Variants in NXN observed in about 807,000 individuals in gnomAD.
The protein encoded by NXN is nucleoredoxin, also known as nucleoredoxin 1.
NXN carries 16 observed loss-of-function variants against 48.6 expected under a neutral mutation model. The ratio of observed to expected loss-of-function variants is 0.33; its 90% CI spans 0.22 to 0.50. NXN has a LOEUF of 0.50. Among genes scored for constraint, NXN ranks in the 20% least tolerant of loss-of-function variants. The pLI is 0.98. For synonymous variants in NXN, 281 were observed against 269.6 expected, an observed-to-expected ratio of 1.04 and a Z score of -0.41; for missense variants, 492 against 605.5, an observed-to-expected ratio of 0.81 and a Z score of 1.97.
intron 1 of NXN, among the ~76,000 whole-genome samples, chr17:929,479 G>A (rs2068832799): frequency 6.6e-6 from 1 of 152,230 alleles, no homozygotes; most frequent in South Asian, 2.1e-4. Context: ...TGTCTGTGAA[G>A]AACATCCCAG....
chr17:887,309 C>T (rs1424877061), intron 1 of NXN, among the ~76,000 whole-genome samples: 6 of 152,142 alleles, frequency 3.9e-5, no homozygotes, highest in African/African-American at 1.2e-4. Context: ...GAAGGTTTGG[C>T]GGAGGTGCAG....
chr17:834,226 G>T (rs1230531973), intron 1 of NXN, among the ~76,000 whole-genome samples: 1 of 152,172 alleles, frequency 6.6e-6, no homozygotes, highest in Non-Finnish European at 1.5e-5. Context: ...AGAGGCTGAG[G>T]TAAGAGGATG....
chr17:944,027 C>G (rs1211721810), intron 1 of NXN, among the ~76,000 whole-genome samples: 4 of 152,042 alleles, frequency 2.6e-5, no homozygotes, highest in African/African-American at 9.7e-5. Context: ...CACCTGAGGT[C>G]AGGGGTTCGA....
intron 1 of NXN, among the ~76,000 whole-genome samples, chr17:968,712 C>A (rs888358740): frequency 7.9e-5 from 12 of 151,972 alleles, no homozygotes; most frequent in African/African-American, 2.9e-4. Flanking sequence ...CTGAGGCAGG[C>A]GGATCGCTTG....
intron 1 of NXN, among the ~76,000 whole-genome samples, chr17:939,979 G>A (rs1186036676): frequency 1.3e-5 from 2 of 151,228 alleles, no homozygotes; most frequent in Non-Finnish European, 2.9e-5. Flanking sequence ...TGTCATCCAG[G>A]CTGGAGTGCA....
At chr17:872,426 GTCAA>G (rs1188030681) in intron 1 of NXN, among the ~76,000 whole-genome samples, 1 of 151,832 alleles carries the variant, frequency 6.6e-6, no homozygotes, top group African/African-American at 2.4e-5. Flanking sequence ...AGAGGAACAC[GTCAA>G]TCAAAGACAA....
chr17:947,966 G>A (rs1490161651), intron 1 of NXN, among the ~76,000 whole-genome samples: 1 of 151,582 alleles, frequency 6.6e-6, no homozygotes, highest in Non-Finnish European at 1.5e-5. Flanking sequence ...CAGGAGAATT[G>A]CTTAAACCCG....
intron 5 of NXN, among the ~76,000 whole-genome samples, chr17:812,607 A>G (rs1402254247): frequency 6.6e-6 from 1 of 150,544 alleles, no homozygotes; most frequent in Non-Finnish European, 1.5e-5. Context: ...GCGAGTGTGC[A>G]TTGTGTGAGT....
rs931123316 is a variant in NXN, at chr17:958,476, A to G, written c.360+20843T>C. Among the ~76,000 whole-genome samples, 2 of 151,824 alleles carry G rather than the reference A, an allele frequency of 1.3e-5. No homozygotes were observed. The highest frequency in any genetic ancestry group is 4.8e-5 in the African/African-American group (2 of 41,342). Reference sequence around the variant, plus strand: ...AGCCCGGGCAACATAGCAGGACTCCAACTCTACAAAAATTAATCTTAAAAA... The same window carrying G: ...AGCCCGGGCAACATAGCAGGACTCCGACTCTACAAAAATTAATCTTAAAAA... On this transcript the variant is annotated intron_variant, in intron 1 of 7. Transcript: ENST00000336868. This position sits in a 1 kb window ranked among gnomAD's most constrained non-coding sequence, Gnocchi z 6.9.
At chr17:870,726 G>C (rs1221073191) in intron 1 of NXN, among the ~76,000 whole-genome samples, 1 of 150,408 alleles carries the variant, frequency 6.6e-6, no homozygotes. Context: ...CTGTATTCAA[G>C]CCTGGGCAAC....
intron 5 of NXN, among the ~76,000 whole-genome samples, chr17:813,250 C>T (rs1475538244): frequency 2.0e-5 from 3 of 152,230 alleles, no homozygotes; most frequent in Admixed American, 2.0e-4. Flanking sequence ...TAAATATCCT[C>T]AGAGGCAAAG....
At chr17:864,061 C>T (rs1040369498) in intron 1 of NXN, 35 of 1,478,200 alleles carry the variant, frequency 2.4e-5, no homozygotes, top group African/African-American at 7.5e-5. Context: ...TGCTCGGTTC[C>T]GGTGAAGGGG....
rs2067985105 is a variant in NXN, at chr17:856,249, T to C, written c.361-30171A>G. 2.6e-5 allele frequency among the ~76,000 whole-genome samples: 4 copies of C among 151,800 alleles called. No individual in the cohort carries two copies. The South Asian group carries it at 8.3e-4, about 32-fold the overall frequency. ...CATTTGCCAAAAATATTTTGCATCA[T>C]GGCCGAGGACAGAAAAAGCCTAAAA... On this transcript the variant is annotated intron_variant, in intron 1 of 7. Transcript: ENST00000336868.
chr17:924,828 C>T (rs182003348), intron 1 of NXN, among the ~76,000 whole-genome samples: 14 of 152,366 alleles, frequency 9.2e-5, no homozygotes, highest in Non-Finnish European at 1.6e-4. Context: ...TTCACACCTT[C>T]GGTGTAAGTT....
At chr17:823,440 G>A (rs2144645939) in intron 3 of NXN, among the ~76,000 whole-genome samples, 192 bp downstream of exon 3, 1 of 151,782 alleles carries the variant, frequency 6.6e-6, no homozygotes, top group East Asian at 1.9e-4. Flanking sequence ...ATCAGTCAAA[G>A]AAGTCATTTC....
At chr17:858,757 A>AAAG (rs1567837055) in intron 1 of NXN, among the ~76,000 whole-genome samples, 5 of 152,082 alleles carry the variant, frequency 3.3e-5, no homozygotes, top group Non-Finnish European at 7.4e-5. Flanking sequence ...AAGAAAGAAA[A>AAAG]AAAGAAAACA....
intron 1 of NXN, among the ~76,000 whole-genome samples, chr17:829,040 TGA>T (rs1416440832): frequency 6.6e-6 from 1 of 151,908 alleles, no homozygotes; most frequent in African/African-American, 2.4e-5. Flanking sequence ...CAGTGGCAAA[TGA>T]GAGAGCCCAT....
At chr17:853,910 C>T (rs779498716) in intron 1 of NXN, among the ~76,000 whole-genome samples, 5 of 151,606 alleles carry the variant, frequency 3.3e-5, no homozygotes, top group Non-Finnish European at 7.4e-5. Context: ...TTATTAGACA[C>T]GGGGTTTCTC....
At chr17:901,059 T>C (rs2068533357) in intron 1 of NXN, among the ~76,000 whole-genome samples, 1 of 151,966 alleles carries the variant, frequency 6.6e-6, no homozygotes, top group South Asian at 2.1e-4. Flanking sequence ...TAGCTGGGAT[T>C]GCAGGCATCC....
Sources: allele counts gnomAD v4.1 joint callset (sites outside exome capture counted in the v4.1 genomes callset), GRCh38; gene constraint gnomAD v4.1.1; non-coding constraint Gnocchi (gnomAD v3.1); transcripts MANE v1.5; gene names NCBI Gene and HGNC (gene_info 2026-07-23, HGNC 2026-07-21).